The following SLC1A4 variants were observed in gnomAD, a reference collection of about 807,000 sequenced individuals.
SLC1A4 encodes the protein neutral amino acid transporter A.
A neutral mutation model predicts 37.7 loss-of-function variants in SLC1A4; 19 were observed. The observed-to-expected ratio is 0.50, with a 90% CI of 0.35 to 0.74. The LOEUF is 0.74. Among genes scored for constraint, SLC1A4 ranks in the 30% least tolerant of loss-of-function variants. The probability of loss-of-function intolerance (pLI) is 0.01; values close to 1 mark genes in which losing one functional copy is unlikely to be tolerated. For synonymous variants in SLC1A4, 299 were observed against 309.8 expected (o/e 0.97, Z 0.37); for missense variants, 570 against 712.9 (o/e 0.80, Z 2.28).
At chr2:64,995,580 C>T (rs1673224875) in intron 1 of SLC1A4, among the ~76,000 whole-genome samples, 1 of 152,124 alleles carries the variant, frequency 6.6e-6, no homozygotes, top group Non-Finnish European at 1.5e-5. Flanking sequence ...TCCACCAGCC[C>T]CAGCCCTTCC....
At chr2:65,015,552 A>G (rs1558526622) in intron 4 of SLC1A4, among the ~76,000 whole-genome samples, 1 of 152,152 alleles carries the variant, frequency 6.6e-6, no homozygotes, top group Non-Finnish European at 1.5e-5. Flanking sequence ...TAATTTTTTG[A>G]AAGGAGAATG....
chr2:64,995,082 T>C (rs1445534032), intron 1 of SLC1A4, among the ~76,000 whole-genome samples: 1 of 152,082 alleles, frequency 6.6e-6, no homozygotes, highest in Non-Finnish European at 1.5e-5. Context: ...TGTAATTTTT[T>C]TTAAAAAAAG....
At chr2:65,019,232 A>G (rs1347330645) in intron 7 of SLC1A4, among the ~76,000 whole-genome samples, 2 of 152,232 alleles carry the variant, frequency 1.3e-5, no homozygotes, top group Non-Finnish European at 1.5e-5. Flanking sequence ...TCCTTGAGTC[A>G]CATGATACCT....
intron 5 of SLC1A4, 103 bp from the exon 6 acceptor site, chr2:65,017,968 C>T (rs1036997778): frequency 3.0e-5 from 28 of 921,452 alleles, no homozygotes; most frequent in East Asian, 1.2e-4. Context: ...AAGCCAGAAA[C>T]GAAGATGGTG....
At position 64,993,834 on chromosome 2, in the gene SLC1A4, G is replaced by C. The variant is rs547862863; in HGVS notation, c.527+3664G>C. Among the ~76,000 whole-genome samples, 9 of 152,316 alleles carry C rather than the reference G, an allele frequency of 5.9e-5. No individual in the cohort carries two copies. In the South Asian group the frequency reaches 1.7e-3, roughly 28 times the overall value. On this transcript the variant is annotated intron_variant, in intron 1 of 7. Coordinates refer to ENST00000234256, the MANE Select transcript of SLC1A4 (RefSeq NM_003038.5). ...TTGTTCTGAGGGTTAGCTGGGTTGT[G>C]TCTAAGAGCTCTAAAGCTCTTCTGG... is the stretch of plus-strand genomic sequence containing the variant.
At chr2:65,013,801 C>CGGTA (rs1674017741) in intron 4 of SLC1A4, among the ~76,000 whole-genome samples, 1 of 152,164 alleles carries the variant, frequency 6.6e-6, no homozygotes, top group Non-Finnish European at 1.5e-5. Context: ...TAGTACCTGC[C>CGGTA]TACCCTACAC....
At chr2:65,019,383 TG>T (rs1161690372) in intron 7 of SLC1A4, among the ~76,000 whole-genome samples, 1 of 152,076 alleles carries the variant, frequency 6.6e-6, no homozygotes, top group African/African-American at 2.4e-5. Context: ...ATCTAGTAGT[TG>T]TGTAATGTGC....
chr2:65,009,094 C>A (rs756453358), intron 3 of SLC1A4, among the ~76,000 whole-genome samples: 1 of 152,220 alleles, frequency 6.6e-6, no homozygotes, highest in African/African-American at 2.4e-5. Flanking sequence ...TGTGGTGGCT[C>A]ACGCCTGTAA....
chr2:64,997,812 T>C (rs1673316666), intron 1 of SLC1A4, among the ~76,000 whole-genome samples: 2 of 151,952 alleles, frequency 1.3e-5, no homozygotes, highest in African/African-American at 4.9e-5. Flanking sequence ...GGTAAATATC[T>C]AGGAGTGGGC....
chr2:65,002,320 A>T (rs1429466587), intron 2 of SLC1A4, among the ~76,000 whole-genome samples: 1 of 78,488 alleles, frequency 1.3e-5, no homozygotes, highest in East Asian at 7.9e-4. Flanking sequence ...AATAAAGATA[A>T]GCATACATAG....
intron 2 of SLC1A4, among the ~76,000 whole-genome samples, chr2:65,001,989 A>T (rs1371953468): frequency 6.6e-6 from 1 of 152,206 alleles, no homozygotes; most frequent in Non-Finnish European, 1.5e-5. Flanking sequence ...TTTTAAAAAT[A>T]AGCATACAGG....
intron 3 of SLC1A4, among the ~76,000 whole-genome samples, chr2:65,009,859 G>C (rs1673844835): frequency 6.6e-6 from 1 of 152,094 alleles, no homozygotes; most frequent in Non-Finnish European, 1.5e-5. Flanking sequence ...GGAGGTCACT[G>C]TAAGAGCCTC....
chr2:65,003,912 C>T, intron 2 of SLC1A4, 41 bp from the exon 3 acceptor site: 1 of 1,557,268 alleles, frequency 6.4e-7, no homozygotes, highest in Non-Finnish European at 8.9e-7. Flanking sequence ...CGGTCTTCAC[C>T]TGTGCACTAA....
chr2:64,998,884 G>C (rs1673365114), intron 1 of SLC1A4, among the ~76,000 whole-genome samples: 1 of 152,204 alleles, frequency 6.6e-6, no homozygotes, highest in Admixed American at 6.5e-5. Flanking sequence ...GAGGAAAGTG[G>C]AGGTCTTCTA....
chr2:64,994,054 G>T (rs1329195590), intron 1 of SLC1A4, among the ~76,000 whole-genome samples: 1 of 152,210 alleles, frequency 6.6e-6, no homozygotes, highest in Non-Finnish European at 1.5e-5. Flanking sequence ...TAGTCTCTAG[G>T]TGTATTGGGA....
At position 65,021,233 on chromosome 2, in the gene SLC1A4, T is replaced by C. The variant is rs955206876; in HGVS notation, c.*87T>C. On this transcript the variant is annotated 3_prime_UTR_variant, in exon 8 of 8. Coordinates refer to ENST00000234256, the MANE Select transcript of SLC1A4 (RefSeq NM_003038.5). ...AGTCATGGACACAGGGCACTGCCCT[T>C]GCCAACTTTTACCCTCCCAAGCAAT... The C allele has an allele frequency of 9.2e-7, 1 of 1,088,044 alleles. No homozygotes were observed. The highest frequency in any genetic ancestry group is 1.3e-6 in the Non-Finnish European group (1 of 741,900). The allele number at this position is 1,088,044 out of a possible 1,614,324, so 67.4% of individuals were successfully genotyped here. A position where few individuals can be genotyped will look rare whatever the true frequency, so the allele number is the denominator to read the frequency against.
intron 5 of SLC1A4, among the ~76,000 whole-genome samples, chr2:65,017,053 TCTTGCTC>T (rs1227206672): frequency 6.6e-6 from 1 of 152,222 alleles, no homozygotes; most frequent in Admixed American, 6.5e-5. Flanking sequence ...CTCTTCTCCC[TCTTGCTC>T]CTTAGAGGTC....
In SLC1A4 at chr2:65,018,600, C is replaced by T; in HGVS notation, c.1285C>T (p.Leu429Phe). The T allele has an allele frequency of 6.2e-7, 1 of 1,614,240 alleles. No individual in the cohort carries two copies. The highest frequency in any genetic ancestry group is 1.3e-5 in the African/African-American group (1 of 75,064). The change falls in exon 7 of 8, where the codon CTC becomes TTC. Residue 429 changes from leucine to phenylalanine, a missense_variant. Transcript: ENST00000234256. This position sits in a 1 kb window ranked among gnomAD's most constrained non-coding sequence, Gnocchi z 4.3. ...AGCAGGCGTGCCAGCTGGAGGGGTC[C>T]TCACCATTGCCATTATCCTGGAGGC... ...GAAGVPAGGV[L>F]TIAIILEAIG...
chr2:65,019,092 G>A (rs968114814), intron 7 of SLC1A4, among the ~76,000 whole-genome samples: 2 of 152,178 alleles, frequency 1.3e-5, no homozygotes, highest in African/African-American at 4.8e-5. Context: ...TGAGGGGAGG[G>A]AGGATGAACC....
Sources: allele counts gnomAD v4.1 joint callset (sites outside exome capture counted in the v4.1 genomes callset), GRCh38; gene constraint gnomAD v4.1.1; non-coding constraint Gnocchi (gnomAD v3.1); transcripts MANE v1.5; gene names NCBI Gene and HGNC (gene_info 2026-07-23, HGNC 2026-07-21).